The following RERE variants were observed in gnomAD, a reference collection of about 807,000 sequenced individuals.
The protein encoded by RERE is arginine-glutamic acid dipeptide repeats protein.
In RERE, 40 loss-of-function variants were observed where a neutral mutation model predicts 146.1. That is an observed-to-expected ratio of 0.27 (90% confidence interval 0.21 to 0.36). The LOEUF is 0.36. Ranked by LOEUF, RERE falls within the 10% of genes least tolerant of loss-of-function variation. The pLI, the probability that RERE is intolerant of heterozygous loss-of-function variation, is 1.00. For missense variants in RERE, 1,933 were observed against 2,138.7 expected (o/e 0.90, Z 1.90); for synonymous variants, 1,003 against 866.0 (o/e 1.16, Z -2.78).
chr1:8,793,360 T>G (rs1194999365), intron 1 of RERE, among the ~76,000 whole-genome samples: 1 of 152,240 alleles, frequency 6.6e-6, no homozygotes, highest in East Asian at 1.9e-4. Context: ...TCCAAGCATT[T>G]TGCAACCTTA....
At chr1:8,507,468 C>T (rs914292809) in intron 8 of RERE, among the ~76,000 whole-genome samples, 1 of 152,162 alleles carries the variant, frequency 6.6e-6, no homozygotes, top group African/African-American at 2.4e-5. Flanking sequence ...AGTGCAGTGT[C>T]GCAATCTTGG....
chr1:8,576,381 C>T (rs1445940442), intron 4 of RERE, among the ~76,000 whole-genome samples: 1 of 152,076 alleles, frequency 6.6e-6, no homozygotes, highest in African/African-American at 2.4e-5. Flanking sequence ...AGTTAAAACT[C>T]AGTAAATAAG....
chr1:8,483,864 G>C (rs191769835), intron 10 of RERE, among the ~76,000 whole-genome samples: 1 of 152,166 alleles, frequency 6.6e-6, no homozygotes, highest in Non-Finnish European at 1.5e-5. Context: ...AAAGCCACCC[G>C]TATCTCAGGG....
intron 4 of RERE, among the ~76,000 whole-genome samples, chr1:8,605,125 T>A (rs1646686004): frequency 6.6e-6 from 1 of 152,138 alleles, no homozygotes; most frequent in South Asian, 2.1e-4. Flanking sequence ...ACAAATCAAC[T>A]CTTTCCCAAC....
chr1:8,751,638 G>A lies in RERE; in HGVS notation c.-145+65522C>T, dbSNP rs547556227. Among the ~76,000 whole-genome samples the A allele has an allele frequency of 8.8e-4, 134 of 152,176 alleles. 1 individual carries two copies. Among genetic ancestry groups the A allele is most frequent in the African/African-American group, 3.1e-3 (128 of 41,522 alleles). ...TATTCTGAAAAGTCCAAAATACTGC[G>A]CTTATTCCTATAGCAACTCGGAGGC... On this transcript the variant is annotated intron_variant, in intron 1 of 22. Transcript: ENST00000400908.
chr1:8,737,057 G>C (rs537115462), intron 1 of RERE, among the ~76,000 whole-genome samples: 2 of 152,142 alleles, frequency 1.3e-5, no homozygotes, highest in Non-Finnish European at 2.9e-5. Context: ...GACCTTTCAG[G>C]AGAATTTCTG....
intron 1 of RERE, among the ~76,000 whole-genome samples, chr1:8,734,432 CTTTAATA>C (rs1352070933): frequency 6.6e-6 from 1 of 152,084 alleles, no homozygotes; most frequent in African/African-American, 2.4e-5. Flanking sequence ...GCTTAAAATC[CTTTAATA>C]TTATAGTTTC....
chr1:8,737,529 G>A (rs1186621295), intron 1 of RERE, among the ~76,000 whole-genome samples: 1 of 151,746 alleles, frequency 6.6e-6, no homozygotes, highest in Non-Finnish European at 1.5e-5. Flanking sequence ...AAGTTGAAGA[G>A]AACTCACATG....
At chr1:8,411,701 ATATT>A (rs1643620164) in intron 12 of RERE, among the ~76,000 whole-genome samples, 1 of 152,120 alleles carries the variant, frequency 6.6e-6, no homozygotes, top group Admixed American at 6.5e-5. Context: ...TAAAACTATA[ATATT>A]TATAGTTTTA....
At chr1:8,489,592 T>C (rs1018834716) in intron 10 of RERE, among the ~76,000 whole-genome samples, 3 of 152,062 alleles carry the variant, frequency 2.0e-5, no homozygotes, top group Non-Finnish European at 4.4e-5. Flanking sequence ...TCAACCCTAT[T>C]AAATTAGGAA....
At chr1:8,697,349 A>G (rs1393291273) in intron 1 of RERE, among the ~76,000 whole-genome samples, 1 of 152,138 alleles carries the variant, frequency 6.6e-6, no homozygotes, top group Admixed American at 6.5e-5. Context: ...ATTAATAAAT[A>G]AATACACATG....
chr1:8,657,093 G>A (rs1216950769), intron 1 of RERE, among the ~76,000 whole-genome samples: 1 of 152,042 alleles, frequency 6.6e-6, no homozygotes, highest in African/African-American at 2.4e-5. Context: ...ACGGGGTCAG[G>A]AGATCAAGAT....
In RERE at chr1:8,764,682, C is replaced by T. The variant is rs1309977874; in HGVS notation, c.-145+52478G>A. Among the ~76,000 whole-genome samples the T allele has an allele frequency of 4.6e-5, 7 of 152,228 alleles. No individual in the cohort carries two copies. The East Asian group carries it at 5.8e-4, about 13-fold the overall frequency. On this transcript the variant is annotated intron_variant, in intron 1 of 22. Coordinates refer to ENST00000400908, the MANE Select transcript of RERE (RefSeq NM_001042681.2). ...TCACCACACAGCCATTACTCAGGGA[C>T]GTAATTCACCCAGATTTCTATTTTT...
intron 12 of RERE, among the ~76,000 whole-genome samples, chr1:8,398,161 G>C (rs1643118950): frequency 6.6e-6 from 1 of 152,244 alleles, no homozygotes; most frequent in Admixed American, 6.5e-5. Context: ...TCCACATGGA[G>C]TAACAGAAGG....
chr1:8,580,375 C>T (rs182793920), intron 4 of RERE, among the ~76,000 whole-genome samples: 6 of 152,104 alleles, frequency 3.9e-5, no homozygotes, highest in Non-Finnish European at 7.4e-5. Flanking sequence ...ACGTGCTAGA[C>T]GAGTGAAAGC....
intron 10 of RERE, among the ~76,000 whole-genome samples, chr1:8,473,165 G>GT (rs1415385048): frequency 6.6e-6 from 1 of 151,992 alleles, no homozygotes; most frequent in Non-Finnish European, 1.5e-5. Flanking sequence ...TTTTTCCTTC[G>GT]TTTTTGGTTG....
intron 1 of RERE, among the ~76,000 whole-genome samples, chr1:8,729,365 C>A (rs1040313475): frequency 6.6e-6 from 1 of 151,248 alleles, no homozygotes; most frequent in Non-Finnish European, 1.5e-5. Flanking sequence ...GCTGGGACTA[C>A]AGGCACGTGC....
At chr1:8,780,277 T>C (rs1170225366) in intron 1 of RERE, among the ~76,000 whole-genome samples, 2 of 152,192 alleles carry the variant, frequency 1.3e-5, no homozygotes, top group Admixed American at 6.5e-5. Context: ...TTAATGAGAC[T>C]GGCTTTGGGT....
chr1:8,686,559 G>A (rs1200922941), intron 1 of RERE, among the ~76,000 whole-genome samples: 1 of 152,138 alleles, frequency 6.6e-6, no homozygotes, highest in Non-Finnish European at 1.5e-5. Flanking sequence ...AGACCAGCCT[G>A]GCCAACATGG....
Sources: allele counts gnomAD v4.1 joint callset (sites outside exome capture counted in the v4.1 genomes callset), GRCh38; gene constraint gnomAD v4.1.1; transcripts MANE v1.5; gene names NCBI Gene and HGNC (gene_info 2026-07-23, HGNC 2026-07-21).